The following RPP14 variants were observed in gnomAD, a reference collection of about 807,000 sequenced individuals.
The protein encoded by RPP14 is ribonuclease P/MRP subunit p14.
A neutral mutation model predicts 17.8 loss-of-function variants in RPP14; 19 were observed. That is an observed-to-expected ratio of 1.07 (90% confidence interval 0.74 to 1.57). The LOEUF (loss-of-function observed/expected upper bound fraction) is 1.57. Ranked by LOEUF, RPP14 falls within the 40% of genes most tolerant of loss-of-function variation. RPP14 has a pLI of 0.00. For missense variants in RPP14, 125 were observed against 140.8 expected (o/e 0.89, Z 0.57); for synonymous variants, 60 against 56.4 (o/e 1.06, Z -0.29).
In RPP14 at chr3:58,319,747, G is replaced by A. The variant is rs1297890175; in HGVS notation, c.*2251G>A. The A allele has an allele frequency of 6.6e-6, 1 of 151,978 alleles. No individual in the cohort carries two copies. The highest frequency in any genetic ancestry group is 1.5e-5 in the Non-Finnish European group (1 of 67,998). The allele number at this position is 151,978 out of a possible 1,614,324, so 9.4% of individuals were successfully genotyped here. A position where few individuals can be genotyped will look rare whatever the true frequency, so the allele number is the denominator to read the frequency against. On this transcript the variant is annotated 3_prime_UTR_variant, in exon 6 of 6. Coordinates refer to ENST00000295959, the MANE Select transcript of RPP14 (RefSeq NM_007042.6). ...ATTGAAGGGGAGATGTGCCTAACAT[G>A]TTACTACTAAATGGCCATCCCAACA...
At chr3:58,316,106 GC>G (rs2107508717) in intron 3 of RPP14, among the ~76,000 whole-genome samples, 1 of 152,340 alleles carries the variant, frequency 6.6e-6, no homozygotes, top group Non-Finnish European at 1.5e-5. Context: ...TTATATAGCT[GC>G]AAACAAACAG....
In RPP14 at chr3:58,320,070, TG is replaced by T. The variant is rs1164192813; in HGVS notation, c.*2575del. 6.6e-6 allele frequency: 1 copy of T among 152,210 alleles called. No homozygotes were observed. Among genetic ancestry groups the T allele is most frequent in the Non-Finnish European group, 1.5e-5 (1 of 68,022 alleles). The allele number at this position is 152,210 out of a possible 1,614,324, so 9.4% of individuals were successfully genotyped here. A position where few individuals can be genotyped will look rare whatever the true frequency, so the allele number is the denominator to read the frequency against. On this transcript the variant is annotated 3_prime_UTR_variant, in exon 6 of 6. Transcript: ENST00000295959. ...GGACATTTCATAAAAGTTCATACAA[TG>T]TATGATCCTTTGGAACTGGCTTCTT...
chr3:58,316,874 C>CT, intron 4 of RPP14, 41 bp from the exon 5 acceptor site: 3 of 1,498,596 alleles, frequency 2.0e-6, no homozygotes, highest in Non-Finnish European at 2.8e-6. Context: ...ATTTTGTTCT[C>CT]TGTCTATGAC....
In RPP14 at chr3:58,316,898, T is replaced by C; in HGVS notation, c.240-17T>C. The C allele has an allele frequency of 1.9e-6, 3 of 1,603,672 alleles. No homozygotes were observed. The South Asian group carries it at 3.3e-5, about 18-fold the overall frequency. On this transcript the variant is annotated splice_polypyrimidine_tract_variant and intron_variant, in intron 4 of 5. Transcript: ENST00000295959. ...TCTGTCTATGACACACTATGTATTTTCTTGATCTTTCTGCAGTGGTCTTGT... is the reference window on the plus strand; with the variant it reads ...TCTGTCTATGACACACTATGTATTTCCTTGATCTTTCTGCAGTGGTCTTGT...
rs1559798139 is a variant in RPP14 at position 58,319,958 on chromosome 3, A to T, written c.*2462A>T. 6.6e-6 allele frequency: 1 copy of T among 152,012 alleles called. No homozygotes were observed. Among genetic ancestry groups the T allele is most frequent in the Admixed American group, 6.6e-5 (1 of 15,258 alleles). 9.4% of individuals were successfully genotyped at this position (152,012 alleles called of 1,614,324 possible). A position where few individuals can be genotyped will look rare whatever the true frequency, so the allele number is the denominator to read the frequency against. ...AGCATTTTTCATCACCCCCAAAAGA[A>T]CCTCCCATTAGCAGTCAATCCATTT... On this transcript the variant is annotated 3_prime_UTR_variant, in exon 6 of 6. Transcript: ENST00000295959.
At chr3:58,315,004 T>C (rs1273765440) in intron 3 of RPP14, among the ~76,000 whole-genome samples, 1 of 152,010 alleles carries the variant, frequency 6.6e-6, no homozygotes, top group Non-Finnish European at 1.5e-5. Context: ...TTTAACAAAC[T>C]AAACGTGCAT....
Position 58,316,519 on chromosome 3 carries a change from A to T in RPP14, c.167A>T (p.Asp56Val). Residue 56 changes from aspartate (D) to valine (V), a missense_variant, in exon 4 of 6, where the codon GAT (aspartate) becomes GTT (valine). By Grantham distance (152) the Asp-to-Val change is radical. Transcript: ENST00000295959. Reference protein sequence around the residue: ...SAVKDLFGEVDAALPLDILTY... With the variant: ...SAVKDLFGEVVAALPLDILTY... ...ATAGCATTATTCCATATGCAGGTTG[A>T]TGCCGCCTTACCTTTGGACATCCTA... The T allele has an allele frequency of 6.2e-7, 1 of 1,613,840 alleles. No individual in the cohort carries two copies.
rs201783618 is a variant in RPP14, at chr3:58,316,978, T to G, written c.303T>G (p.Ala101=). 1.2e-6 allele frequency: 2 copies of G among 1,613,620 alleles called. No individual in the cohort carries two copies. The highest frequency in any genetic ancestry group is 1.7e-6 in the Non-Finnish European group (2 of 1,179,692). Residue 101 remains alanine (A), a synonymous_variant, in exon 5 of 6, where the codon GCT becomes GCG. Transcript: ENST00000295959. The part of the protein sequence containing the change: ...LLGSYKGKKC[A]FRVIQVSPFL... The stretch of plus-strand genomic sequence containing the variant: ...GATCCTATAAAGGCAAAAAATGTGC[T>G]TTCCGGGTGATTCAGGTAAAGACTA...
At position 58,316,514 on chromosome 3, in the gene RPP14, G is replaced by A; in HGVS notation, c.163-1G>A. 1 of 1,613,560 alleles carries A rather than the reference G, an allele frequency of 6.2e-7. No individual in the cohort carries two copies. ...TGCTAATAGCATTATTCCATATGCA[G>A]GTTGATGCCGCCTTACCTTTGGACA... On this transcript the variant is annotated splice_acceptor_variant, in intron 3 of 5. Coordinates refer to ENST00000295959, the MANE Select transcript of RPP14 (RefSeq NM_007042.6). LOFTEE classifies it high-confidence loss of function.
At chr3:58,309,966 G>A (rs2097480336) in intron 1 of RPP14, 1 of 206,180 alleles carries the variant, frequency 4.9e-6, no homozygotes, top group African/African-American at 2.3e-5. Context: ...TTGGGAGGCT[G>A]AGTTGGGCAA....
intron 3 of RPP14, among the ~76,000 whole-genome samples, chr3:58,314,444 G>C (rs2097486039): frequency 6.6e-6 from 1 of 152,152 alleles, no homozygotes; most frequent in Admixed American, 6.6e-5. Flanking sequence ...CAGACATTTT[G>C]CTAAAGAGAA....
At chr3:58,311,580 ATTC>A (rs2097482279) in intron 3 of RPP14, among the ~76,000 whole-genome samples, 1 of 151,374 alleles carries the variant, frequency 6.6e-6, no homozygotes, top group Non-Finnish European at 1.5e-5. Flanking sequence ...ACAGAATTTC[ATTC>A]TTTTTTATGG....
At chr3:58,314,010 T>G (rs2097485196) in intron 3 of RPP14, among the ~76,000 whole-genome samples, 1 of 152,210 alleles carries the variant, frequency 6.6e-6, no homozygotes, top group Non-Finnish European at 1.5e-5. Flanking sequence ...AAACTATGAT[T>G]GCACTACTGC....
intron 3 of RPP14, among the ~76,000 whole-genome samples, chr3:58,315,056 C>T (rs567868312): frequency 2.0e-5 from 3 of 152,056 alleles, no homozygotes; most frequent in Non-Finnish European, 4.4e-5. Context: ...GCATCTGTTC[C>T]AGAGGACTGA....
chr3:58,310,109 A>C (rs2097480479), intron 1 of RPP14, 200 bp from the exon 2 acceptor site: 2 of 547,006 alleles, frequency 3.7e-6, no homozygotes, highest in Admixed American at 3.2e-5. Flanking sequence ...CTGAGGCAGG[A>C]GGATCACCTG....
chr3:58,313,694 G>A (rs943994107), intron 3 of RPP14, among the ~76,000 whole-genome samples: 13 of 152,144 alleles, frequency 8.5e-5, no homozygotes, highest in African/African-American at 2.9e-4. Flanking sequence ...GTGTGGTGGT[G>A]TGCACTGATA....
chr3:58,317,076 C>T, intron 5 of RPP14, 83 bp downstream of exon 5: 7 of 996,886 alleles, frequency 7.0e-6, no homozygotes, highest in Non-Finnish European at 1.1e-5. Flanking sequence ...CATTTTTGTG[C>T]TTGCATAAAT....
Position 58,311,081 on chromosome 3 carries a change from C to A in RPP14, c.162+490C>A, listed in dbSNP as rs567981965. Among the ~76,000 whole-genome samples the A allele has an allele frequency of 1.1e-4, 16 of 152,116 alleles. 1 individual carries two copies. The highest frequency in any genetic ancestry group is 3.9e-4 in the African/African-American group (16 of 41,488). On this transcript the variant is annotated intron_variant, in intron 3 of 5. Coordinates refer to ENST00000295959, the MANE Select transcript of RPP14 (RefSeq NM_007042.6). ...TCCTTCATCCTCTCTACCCTCCTAC[C>A]CTTCCCAGCCTCTGATAATCACCAA... is the stretch of plus-strand genomic sequence containing the variant.
rs1265336196 is a variant in RPP14, at chr3:58,316,606, G to A, written c.239+15G>A. Reference sequence around the variant, plus strand: ...ATATGTAGCAGGTATGACAGAGAGTGGGAAATTTCTAGTATAACAGGGCAG... The same window carrying A: ...ATATGTAGCAGGTATGACAGAGAGTAGGAAATTTCTAGTATAACAGGGCAG... On this transcript the variant is annotated intron_variant, in intron 4 of 5. Transcript: ENST00000295959. 7 of 1,606,580 alleles carry A rather than the reference G, an allele frequency of 4.4e-6. No homozygotes were observed. In the East Asian group the frequency reaches 6.7e-5, roughly 15 times the overall value.
Sources: gnomAD v4.1 joint callset for allele counts (sites outside exome capture counted in the v4.1 genomes callset) on GRCh38, gnomAD v4.1.1 for gene constraint, MANE v1.5 for transcripts, NCBI Gene and HGNC (gene_info 2026-07-23, HGNC 2026-07-21) for gene names.